IQCE: variants seen among roughly 807,000 people sequenced by gnomAD.
The protein encoded by IQCE is IQ motif containing E, also known as IQ domain-containing protein E.
Under a neutral mutation model 96.0 loss-of-function variants are expected in IQCE, and 115 were observed. The ratio of observed to expected loss-of-function variants is 1.20; its 90% CI spans 1.03 to 1.40. IQCE has a LOEUF of 1.40. Ranked by LOEUF, IQCE falls within the 40% of genes most tolerant of loss-of-function variation. The pLI is 0.00. For synonymous variants in IQCE, 412 were observed against 371.2 expected (o/e 1.11, Z -1.26); for missense variants, 1,041 against 909.1 (o/e 1.15, Z -1.87).
intron 16 of IQCE, among the ~76,000 whole-genome samples, chr7:2,597,949 T>C (rs76190536): frequency 0.016 from 2,411 of 152,338 alleles, 51 homozygotes; most frequent in African/African-American, 0.055. Context: ...ATTACAAGCA[T>C]GAGCCACTGC....
At chr7:2,567,208 G>T in intron 2 of IQCE, 45 bp downstream of exon 2, 1 of 1,514,630 alleles carries the variant, frequency 6.6e-7, no homozygotes, top group Non-Finnish European at 9.2e-7. Flanking sequence ...GGCTGGTTGC[G>T]CTGCCCTTGC....
chr7:2,576,078 T>C (rs1782101443), intron 6 of IQCE, among the ~76,000 whole-genome samples: 1 of 152,208 alleles, frequency 6.6e-6, no homozygotes. Flanking sequence ...GCCTCCTGAA[T>C]CTGTGGGTTT....
In IQCE at chr7:2,571,521, T is replaced by G; in HGVS notation, c.131-5T>G. On this transcript the variant is annotated splice_polypyrimidine_tract_variant and splice_region_variant and intron_variant, in intron 3 of 21. Coordinates refer to ENST00000402050, the MANE Select transcript of IQCE (RefSeq NM_152558.5). ...ACCTCTGAATCCACGTGTTGGCTTT[T>G]CCAGAGTCACCTTATCTCTCTAAGC... 6.2e-7 allele frequency: 1 copy of G among 1,606,206 alleles called. No individual in the cohort carries two copies. The highest frequency in any genetic ancestry group is 8.5e-7 in the Non-Finnish European group (1 of 1,179,946).
chr7:2,559,692 A>G (rs2917724), intron 1 of IQCE, among the ~76,000 whole-genome samples: 143,038 of 150,214 alleles, frequency 0.95, 68,157 homozygotes, highest in East Asian at 1. Context: ...AGGGTGCATG[A>G]GCCTTAGGTT....
intron 8 of IQCE, 42 bp downstream of exon 8, chr7:2,578,568 T>G (rs1782397217): frequency 6.2e-7 from 1 of 1,606,334 alleles, no homozygotes; most frequent in Admixed American, 1.7e-5. Context: ...CCCCAGACGC[T>G]AGTTACTGGG....
At chr7:2,587,744 C>T (rs1783234257) in intron 12 of IQCE, 78 bp from the exon 13 acceptor site, 6 of 1,403,714 alleles carry the variant, frequency 4.3e-6, no homozygotes, top group Admixed American at 3.4e-5. Context: ...AGAGGAGCCT[C>T]AGGCCATACC....
intron 18 of IQCE, among the ~76,000 whole-genome samples, chr7:2,602,512 G>A (rs1204637851): frequency 2.0e-5 from 3 of 152,150 alleles, no homozygotes; most frequent in African/African-American, 7.2e-5. Context: ...TGGGCCACAG[G>A]GCTTCTCACG....
At chr7:2,581,732 T>G (rs11761355) in intron 8 of IQCE, among the ~76,000 whole-genome samples, 1 of 146,576 alleles carries the variant, frequency 6.8e-6, no homozygotes, top group African/African-American at 2.5e-5. Context: ...TTTTTTGAGA[T>G]GGAGTCTCGC....
In IQCE at chr7:2,602,335, G is replaced by A. The variant is rs181271581; in HGVS notation, c.1632+871G>A. ...CAGATTGATGAACAGTGCAGTTCCA[G>A]CCATGACCCTTTTTAGGGAGGAGCT... On this transcript the variant is annotated intron_variant, in intron 18 of 21. Transcript: ENST00000402050. Among the ~76,000 whole-genome samples, 689 of 152,354 alleles carry A rather than the reference G, an allele frequency of 4.5e-3. 3 individuals carry two copies. Among genetic ancestry groups the A allele is most frequent in the Non-Finnish European group, 7.6e-3 (520 of 68,026 alleles).
chr7:2,581,485 C>T (rs182132278), intron 8 of IQCE, among the ~76,000 whole-genome samples: 88 of 152,262 alleles, frequency 5.8e-4, no homozygotes, highest in African/African-American at 2.0e-3. Context: ...GGATTATAGG[C>T]GTGAGCCACT....
Position 2,594,977 on chromosome 7 carries a change from G to C in IQCE, c.1440+1G>C, listed in dbSNP as rs779201266. The C allele has an allele frequency of 5.0e-6, 8 of 1,602,274 alleles. No homozygotes were observed. Among genetic ancestry groups the C allele is most frequent in the Non-Finnish European group, 6.8e-6 (8 of 1,169,300 alleles). ...GGATTGCCCGGAAGTTCCTCATAAG[G>C]TACAGTGACCATTCAGTTGAGTCTC... On this transcript the variant is annotated splice_donor_variant, in intron 16 of 21. Transcript: ENST00000402050. LOFTEE classifies it high-confidence loss of function.
chr7:2,578,583 G>GCCACAGAGGGACGCCTTTCCCTGCAGCAC, intron 8 of IQCE, 57 bp downstream of exon 8: 1 of 1,578,758 alleles, frequency 6.3e-7, no homozygotes, highest in Non-Finnish European at 8.7e-7. Context: ...ACTGGGGACA[G>GCCACAGAGGGACGCCTTTCCCTGCAGCAC]CCACAGAGGG....
chr7:2,609,608 T>G (rs1377013532), intron 21 of IQCE, among the ~76,000 whole-genome samples: 13 of 152,260 alleles, frequency 8.5e-5, no homozygotes, highest in African/African-American at 2.9e-4. Flanking sequence ...ATGGTGAGAA[T>G]ACTCAGAGCT....
At chr7:2,577,569 G>C (rs1174481967) in intron 6 of IQCE, among the ~76,000 whole-genome samples, 6 of 132,370 alleles carry the variant, frequency 4.5e-5, no homozygotes, top group South Asian at 2.5e-4. Context: ...GCGCGGGGAC[G>C]TGTGTGCGGC....
At chr7:2,607,658 A>G in intron 21 of IQCE, 2 of 705,696 alleles carry the variant, frequency 2.8e-6, no homozygotes, top group Non-Finnish European at 3.6e-6. Flanking sequence ...CTCTGCCCGG[A>G]GCTGACGGGG....
At chr7:2,606,161 C>T (rs878985552) in intron 20 of IQCE, among the ~76,000 whole-genome samples, 164 bp downstream of exon 20, 2 of 152,248 alleles carry the variant, frequency 1.3e-5, no homozygotes, top group South Asian at 4.1e-4. Flanking sequence ...GCTTCACATC[C>T]TGAGGACTCC....
intron 1 of IQCE, among the ~76,000 whole-genome samples, chr7:2,561,498 G>T (rs1780955140): frequency 6.7e-6 from 1 of 149,686 alleles, no homozygotes; most frequent in Non-Finnish European, 1.5e-5. Flanking sequence ...TCGGCTCACT[G>T]CAAGCTCCGC....
chr7:2,572,245 G>A lies in IQCE; in HGVS notation c.313G>A (p.Gly105Ser), dbSNP rs1046317225. 8.1e-6 allele frequency: 13 copies of A among 1,613,964 alleles called. 1 individual carries two copies. The highest frequency in any genetic ancestry group is 5.5e-5 in the South Asian group (5 of 91,084). The change falls in exon 5 of 22, where the codon GGC becomes AGC. Residue 105 changes from glycine (G) to serine (S), a missense_variant. Transcript: ENST00000402050. Reference protein sequence around the residue: ...SPLTWEHAWTGVPGGTPDCLT... With the variant: ...SPLTWEHAWTSVPGGTPDCLT... ...CCTCACCTGGGAGCATGCGTGGACT[G>A]GCGTCCCCGGCGGCACTCCTGACTG...
At chr7:2,585,048 AT>A (rs34559707) in intron 11 of IQCE, among the ~76,000 whole-genome samples, 160 of 140,486 alleles carry the variant, frequency 1.1e-3, no homozygotes, top group East Asian at 3.5e-3. Flanking sequence ...TGCTCATAAC[AT>A]TTTTTTTTTT....
Sources: gnomAD v4.1 joint callset for allele counts (sites outside exome capture counted in the v4.1 genomes callset) on GRCh38, gnomAD v4.1.1 for gene constraint, MANE v1.5 for transcripts, NCBI Gene and HGNC (gene_info 2026-07-23, HGNC 2026-07-21) for gene names.